Variants in TRPM3 observed in about 807,000 individuals in gnomAD.
TRPM3 encodes the protein long transient receptor potential channel 3.
TRPM3 carries 77 observed loss-of-function variants against 181.2 expected under a neutral mutation model. The ratio of observed to expected loss-of-function variants is 0.42; its 90% CI spans 0.35 to 0.51. TRPM3 has a LOEUF of 0.51. TRPM3 is among the 20% of genes least tolerant of loss of function. The pLI is 0.01. For synonymous variants in TRPM3, 745 were observed against 796.4 expected (o/e 0.94, Z 1.09); for missense variants, 1,759 against 2,196.7 (o/e 0.80, Z 3.98).
intron 1 of TRPM3, among the ~76,000 whole-genome samples, chr9:71,305,823 C>T (rs2134860): frequency 1.3e-5 from 2 of 151,870 alleles, no homozygotes; most frequent in African/African-American, 2.4e-5. Context: ...TGTTCTTTAC[C>T]GCCATATCTG....
chr9:71,215,843 GGGCAGAACAAAGGCA>G (rs1240088821), intron 1 of TRPM3, among the ~76,000 whole-genome samples: 1 of 152,144 alleles, frequency 6.6e-6, no homozygotes, highest in Non-Finnish European at 1.5e-5. Context: ...AGACAGTTCA[GGGCAGAACAAAGGCA>G]GGAAGTTAAT....
At position 71,092,234 on chromosome 9, in the gene TRPM3, G is replaced by A. The variant is rs561388275; in HGVS notation, c.177+28944C>T. 5.3e-5 allele frequency among the ~76,000 whole-genome samples: 8 copies of A among 152,262 alleles called. No individual in the cohort carries two copies. The East Asian group carries it at 1.5e-3, about 29-fold the overall frequency. On this transcript the variant is annotated intron_variant, in intron 1 of 25. Coordinates refer to ENST00000677713, the MANE Select transcript of TRPM3 (RefSeq NM_001366145.2). The stretch of plus-strand genomic sequence containing the variant: ...AGGTGTTGATGGCTGTAAAATGGGA[G>A]CACCCCTAATCCCAGAGCTCTATTC...
intron 1 of TRPM3, among the ~76,000 whole-genome samples, chr9:70,972,331 T>C (rs1268120832): frequency 1.3e-5 from 2 of 152,198 alleles, no homozygotes; most frequent in Non-Finnish European, 2.9e-5. Flanking sequence ...CGTAATGTTT[T>C]CAAGATTCAT....
At chr9:71,300,587 T>A (rs1275248041) in intron 1 of TRPM3, among the ~76,000 whole-genome samples, 2 of 152,098 alleles carry the variant, frequency 1.3e-5, no homozygotes, top group African/African-American at 4.8e-5. Context: ...TCCTTGTGTA[T>A]GTTTGTTTTT....
chr9:71,154,955 T>C (rs1429923940), intron 1 of TRPM3, among the ~76,000 whole-genome samples: 1 of 152,160 alleles, frequency 6.6e-6, no homozygotes, highest in Non-Finnish European at 1.5e-5. Flanking sequence ...ATCTTAAACT[T>C]TTTTTGACAG....
chr9:71,349,580 G>A lies in TRPM3; in HGVS notation c.183+97073C>T, dbSNP rs559553533. ...ATTTTATAATATTTTAACGGTGTAC[G>A]TTTGCCAAAACCAAAACAAATCAAA... On this transcript the variant is annotated intron_variant, in intron 1 of 24. Coordinates refer to the TRPM3 transcript ENST00000357533. Among the ~76,000 whole-genome samples the A allele has an allele frequency of 9.8e-4, 149 of 152,192 alleles. 1 individual carries two copies. Among genetic ancestry groups the A allele is most frequent in the South Asian group, 6.0e-3 (29 of 4,806 alleles).
chr9:70,597,845 A>T (rs748726946), intron 21 of TRPM3, among the ~76,000 whole-genome samples: 4 of 152,212 alleles, frequency 2.6e-5, no homozygotes, highest in Non-Finnish European at 5.9e-5. Flanking sequence ...ACCCAACTCA[A>T]ATCAGCACAA....
At chr9:70,872,280 T>C (rs1424939986) in intron 1 of TRPM3, among the ~76,000 whole-genome samples, 2 of 151,860 alleles carry the variant, frequency 1.3e-5, no homozygotes, top group Admixed American at 1.3e-4. Context: ...TGGTCAACCC[T>C]TGGTATAGAA....
chr9:71,089,553 T>C (rs955486058), intron 1 of TRPM3, among the ~76,000 whole-genome samples: 14 of 151,272 alleles, frequency 9.3e-5, no homozygotes, highest in Admixed American at 6.6e-4. Context: ...ATGTATAAAA[T>C]AATATTTGGA....
intron 8 of TRPM3, among the ~76,000 whole-genome samples, chr9:70,690,645 G>C (rs2068252387): frequency 6.6e-6 from 1 of 152,060 alleles, no homozygotes; most frequent in Admixed American, 6.6e-5. Flanking sequence ...TTAGCATAAT[G>C]TTTCCTGGAT....
At chr9:70,744,389 T>C (rs1216459180) in intron 8 of TRPM3, among the ~76,000 whole-genome samples, 1 of 151,954 alleles carries the variant, frequency 6.6e-6, no homozygotes, top group East Asian at 1.9e-4. Context: ...GGATATTTGC[T>C]CTTCATTTGT....
At chr9:70,628,111 CCA>C (rs1371752147) in intron 12 of TRPM3, among the ~76,000 whole-genome samples, 1 of 152,230 alleles carries the variant, frequency 6.6e-6, no homozygotes, top group Non-Finnish European at 1.5e-5. Context: ...GCTAACAAGG[CCA>C]CAGTTTCTGT....
At position 70,598,682 on chromosome 9, in the gene TRPM3, G is replaced by C. The variant is rs1481626792; in HGVS notation, c.2797-12C>G. 2 of 1,611,052 alleles carry C rather than the reference G, an allele frequency of 1.2e-6. No individual in the cohort carries two copies. The highest frequency in any genetic ancestry group is 1.7e-6 in the Non-Finnish European group (2 of 1,177,670). ...TCTGACATCAGAATCTATAAGGCAG[G>C]AAGGAGAGCAGAGTTAGGTCTGGTT... On this transcript the variant is annotated splice_polypyrimidine_tract_variant and intron_variant, in intron 20 of 25. Transcript: ENST00000677713.
intron 6 of TRPM3, among the ~76,000 whole-genome samples, chr9:70,812,141 T>C (rs535674713): frequency 5.3e-5 from 8 of 152,330 alleles, no homozygotes; most frequent in African/African-American, 1.9e-4. Context: ...GCCTTCATTT[T>C]GTTCCTTCCT....
chr9:71,191,829 C>T (rs7861817), intron 1 of TRPM3, among the ~76,000 whole-genome samples: 63,858 of 149,582 alleles, frequency 0.43, 14,032 homozygotes, highest in East Asian at 0.52. Context: ...GATCAGAAAA[C>T]TGAAGTGTGA....
chr9:70,576,983 C>T (rs374903208), intron 22 of TRPM3, among the ~76,000 whole-genome samples: 31 of 152,162 alleles, frequency 2.0e-4, no homozygotes, highest in Non-Finnish European at 4.3e-4. Context: ...TTCAGCTCAA[C>T]GTTATCTCTT....
chr9:71,277,147 G>T (rs2084278475), intron 1 of TRPM3, among the ~76,000 whole-genome samples: 1 of 151,988 alleles, frequency 6.6e-6, no homozygotes, highest in African/African-American at 2.4e-5. Context: ...TTAAAGAAAA[G>T]TTATTAAGAA....
chr9:70,769,004 A>G (rs752582049), intron 7 of TRPM3, among the ~76,000 whole-genome samples: 2 of 152,140 alleles, frequency 1.3e-5, no homozygotes, highest in Non-Finnish European at 1.5e-5. Flanking sequence ...CATCCTCATC[A>G]TATCTTATTC....
upstream of TRPM3, chr9:71,446,968 G>A: frequency 1.1e-6 from 1 of 938,822 alleles, no homozygotes; most frequent in Non-Finnish European, 1.5e-6. Flanking sequence ...GCTCCTGCCA[G>A]AGCCCCGCGC....
Sources: gnomAD v4.1 joint callset for allele counts (sites outside exome capture counted in the v4.1 genomes callset) on GRCh38, gnomAD v4.1.1 for gene constraint, MANE v1.5 for transcripts, NCBI Gene and HGNC (gene_info 2026-07-23, HGNC 2026-07-21) for gene names.